The following IQSEC1 variants were observed in gnomAD, a reference collection of about 807,000 sequenced individuals.
The protein encoded by IQSEC1 is IQ motif and Sec7 domain ArfGEF 1.
A neutral mutation model predicts 91.0 loss-of-function variants in IQSEC1; 31 were observed. The observed-to-expected ratio is 0.34, with a 90% CI of 0.26 to 0.46. The LOEUF is 0.46. Ranked by LOEUF, IQSEC1 falls within the 20% of genes least tolerant of loss-of-function variation. IQSEC1 has a pLI of 1.00. For missense variants in IQSEC1, 1,388 were observed against 1,575.6 expected (o/e 0.88, Z 2.02); for synonymous variants, 699 against 662.6 (o/e 1.05, Z -0.84).
chr3:13,020,566 C>G (rs1214513206), intron 1 of IQSEC1, among the ~76,000 whole-genome samples: 1 of 152,216 alleles, frequency 6.6e-6, no homozygotes, highest in African/African-American at 2.4e-5. Context: ...GCAATTTTTA[C>G]CCCAACAGAA....
rs370861332 is a variant in IQSEC1 at position 12,909,478 on chromosome 3, G to C, written c.2417-44C>G. On this transcript the variant is annotated intron_variant, in intron 10 of 13. Coordinates refer to ENST00000613206, the MANE Select transcript of IQSEC1 (RefSeq NM_001134382.3). This position sits in a 1 kb window ranked among gnomAD's most constrained non-coding sequence, Gnocchi z 4.9. ...GGGGAGGAGGCCCACGGGTCTCAGT[G>C]TGTTCTCTGCAATCTCCTCTCTGGT... 1.9e-6 allele frequency: 3 copies of C among 1,570,836 alleles called. No individual in the cohort carries two copies. The highest frequency in any genetic ancestry group is 2.6e-6 in the Non-Finnish European group (3 of 1,146,724).
At chr3:12,958,039 G>A (rs1213782971) in intron 1 of IQSEC1, among the ~76,000 whole-genome samples, 5 of 152,200 alleles carry the variant, frequency 3.3e-5, no homozygotes, top group Non-Finnish European at 5.9e-5. Flanking sequence ...CAAAGAAAGT[G>A]AGGAGGGGTG....
At chr3:13,021,946 C>G (rs1319956308) in intron 1 of IQSEC1, 2 of 920,902 alleles carry the variant, frequency 2.2e-6, no homozygotes, top group African/African-American at 3.4e-5. Flanking sequence ...TCCATCCCAG[C>G]TCCTTCCTGG....
Position 12,900,098 on chromosome 3 carries a change from T to G in IQSEC1, c.*885A>C, listed in dbSNP as rs1471427855. 2 of 980,136 alleles carry G rather than the reference T, an allele frequency of 2.0e-6. No homozygotes were observed. The allele number at this position is 980,136 out of a possible 1,614,324, so 60.7% of individuals were successfully genotyped here. The stretch of plus-strand genomic sequence containing the variant: ...TGCTACTGTAGAGTGTACTGCAGTT[T>G]AGCTATTTGCTTACCTGAAATAACA... On this transcript the variant is annotated 3_prime_UTR_variant, in exon 14 of 14. Coordinates refer to ENST00000613206, the MANE Select transcript of IQSEC1 (RefSeq NM_001134382.3).
At chr3:13,022,187 C>G (rs1703432825) in intron 1 of IQSEC1, 1 of 1,231,378 alleles carries the variant, frequency 8.1e-7, no homozygotes, top group Non-Finnish European at 1.0e-6. Flanking sequence ...GGGAACGGCT[C>G]TCTTCACGGA....
At chr3:13,194,543 G>A (rs755178788) in intron 1 of IQSEC1, among the ~76,000 whole-genome samples, 6 of 152,058 alleles carry the variant, frequency 3.9e-5, no homozygotes, top group Non-Finnish European at 7.4e-5. Flanking sequence ...GCCCCAACTC[G>A]CTTTCCACCC....
In IQSEC1 at chr3:12,967,360, G is replaced by T; in HGVS notation, c.24-25495C>A. 6.6e-7 allele frequency: 1 copy of T among 1,525,964 alleles called. No individual in the cohort carries two copies. The highest frequency in any genetic ancestry group is 8.8e-7 in the Non-Finnish European group (1 of 1,139,256). 94.5% of individuals were successfully genotyped at this position (1,525,964 alleles called of 1,614,324 possible). ...AGCCCACCGCTCAGCACCCGGGAAG[G>T]CCGCTCGCCCCGCGCCGCGCCCTCA... is the stretch of plus-strand genomic sequence containing the variant. On this transcript the variant is annotated intron_variant, in intron 1 of 13. Transcript: ENST00000613206. This position sits in a 1 kb window ranked among gnomAD's most constrained non-coding sequence, Gnocchi z 5.9.
chr3:12,926,206 A>G (rs1697109197), intron 3 of IQSEC1, among the ~76,000 whole-genome samples: 1 of 151,984 alleles, frequency 6.6e-6, no homozygotes, highest in Non-Finnish European at 1.5e-5. Context: ...GCTACTCAGG[A>G]GGCTGAGGCA....
chr3:13,018,178 G>A (rs34390679), intron 1 of IQSEC1, among the ~76,000 whole-genome samples: 1 of 152,232 alleles, frequency 6.6e-6, no homozygotes, highest in Non-Finnish European at 1.5e-5. Context: ...GCATGGCCCA[G>A]GCTGGGAGGT....
chr3:13,231,905 A>T (rs913494871), intron 1 of IQSEC1, among the ~76,000 whole-genome samples: 17 of 152,238 alleles, frequency 1.1e-4, no homozygotes, highest in African/African-American at 4.1e-4. Flanking sequence ...TGAGCTGCTG[A>T]CATCTGCTCT....
intron 1 of IQSEC1, among the ~76,000 whole-genome samples, chr3:12,954,209 C>T (rs2686742): frequency 0.57 from 87,228 of 152,084 alleles, 25,928 homozygotes; most frequent in East Asian, 0.85. Context: ...ACACCCTCCA[C>T]GGCTGCTGTG....
At chr3:13,072,217 C>T (rs1404556679) in intron 1 of IQSEC1, among the ~76,000 whole-genome samples, 1 of 152,256 alleles carries the variant, frequency 6.6e-6, no homozygotes, top group Non-Finnish European at 1.5e-5. Context: ...AGACCTGACG[C>T]TGGGCCTCAA....
chr3:12,969,371 C>T (rs998024302), intron 1 of IQSEC1, among the ~76,000 whole-genome samples: 5 of 151,954 alleles, frequency 3.3e-5, no homozygotes, highest in African/African-American at 1.2e-4. Context: ...AAATCAAGAC[C>T]GCAATACCAC....
chr3:12,913,881 G>A (rs969342290), intron 8 of IQSEC1, among the ~76,000 whole-genome samples: 31 of 152,190 alleles, frequency 2.0e-4, no homozygotes, highest in Admixed American at 2.0e-3. Context: ...TCACCTGGGA[G>A]CCTCTGGCCA....
intron 1 of IQSEC1, among the ~76,000 whole-genome samples, chr3:13,224,662 C>A (rs1694721039): frequency 6.6e-6 from 1 of 152,148 alleles, no homozygotes; most frequent in South Asian, 2.1e-4. Flanking sequence ...CCAAGATGGA[C>A]CCAGGACGGG....
At chr3:13,247,026 G>A (rs1457937286) in intron 1 of IQSEC1, among the ~76,000 whole-genome samples, 11 of 152,132 alleles carry the variant, frequency 7.2e-5, no homozygotes, top group Admixed American at 6.6e-4. Context: ...CCAAAATGAC[G>A]CCTTTCAGCT....
chr3:12,971,202 C>G (rs1700875504), intron 1 of IQSEC1, among the ~76,000 whole-genome samples: 1 of 152,196 alleles, frequency 6.6e-6, no homozygotes, highest in Admixed American at 6.5e-5. Flanking sequence ...TTGGCTCCAA[C>G]TACCCTGGCA....
intron 8 of IQSEC1, among the ~76,000 whole-genome samples, chr3:12,914,030 G>A (rs1489116844): frequency 6.6e-6 from 1 of 152,354 alleles, no homozygotes; most frequent in East Asian, 1.9e-4. Context: ...AAACTAGGAA[G>A]TGGCAGAGCC....
At chr3:13,109,126 C>T (rs771643141) in intron 2 of IQSEC1, among the ~76,000 whole-genome samples, 9 of 152,090 alleles carry the variant, frequency 5.9e-5, no homozygotes, top group East Asian at 1.9e-4. Context: ...ACTGGGGAAT[C>T]GCGGGGTGGT....
Sources: gnomAD v4.1 joint callset for allele counts (sites outside exome capture counted in the v4.1 genomes callset) on GRCh38, gnomAD v4.1.1 for gene constraint, Gnocchi (gnomAD v3.1) non-coding constraint, MANE v1.5 for transcripts, NCBI Gene and HGNC (gene_info 2026-07-23, HGNC 2026-07-21) for gene names.